The following CIT variants were observed in gnomAD, a reference collection of about 807,000 sequenced individuals.
CIT encodes citron Rho-interacting kinase.
Under a neutral mutation model 272.7 loss-of-function variants are expected in CIT, and 79 were observed. The ratio of observed to expected loss-of-function variants is 0.29; its 90% CI spans 0.24 to 0.35. The LOEUF (loss-of-function observed/expected upper bound fraction) is 0.35. Among genes scored for constraint, CIT ranks in the 10% least tolerant of loss-of-function variants. CIT has a pLI of 1.00. For synonymous variants in CIT, 948 were observed against 995.6 expected (o/e 0.95, Z 0.90); for missense variants, 1,909 against 2,618.3 (o/e 0.73, Z 5.91).
Position 119,713,166 on chromosome 12 carries a change from C to T in CIT, c.4579+37G>A. On this transcript the variant is annotated intron_variant, in intron 35 of 47. Transcript: ENST00000392521. The surrounding 1 kb of genome is among the most constrained non-coding windows in gnomAD (Gnocchi z 5.2). Reference sequence around the variant, plus strand: ...CAGCACTGGGGAGACCTGGGTTAGCCACGTGCAATGACCTTCCCCCTGAAT... The same window carrying T: ...CAGCACTGGGGAGACCTGGGTTAGCTACGTGCAATGACCTTCCCCCTGAAT... 3 of 1,534,846 alleles carry T rather than the reference C, an allele frequency of 2.0e-6. No homozygotes were observed. The highest frequency in any genetic ancestry group is 2.7e-6 in the Non-Finnish European group (3 of 1,111,340).
chr12:119,734,385 C>T (rs574301213), intron 25 of CIT, 28 bp from the exon 26 acceptor site: 3 of 1,604,492 alleles, frequency 1.9e-6, no homozygotes, highest in African/African-American at 2.7e-5. Flanking sequence ...TGATTTGTGC[C>T]TTGTCTTTAA....
intron 32 of CIT, among the ~76,000 whole-genome samples, chr12:119,714,685 G>A (rs1367550680): frequency 1.3e-5 from 2 of 152,204 alleles, no homozygotes; most frequent in South Asian, 2.1e-4. Flanking sequence ...GAAGATAAGT[G>A]TTGATGAGGA....
intron 2 of CIT, among the ~76,000 whole-genome samples, chr12:119,871,895 G>A (rs562261319): frequency 1.4e-4 from 22 of 152,296 alleles, no homozygotes; most frequent in East Asian, 3.9e-4. Flanking sequence ...GGGAAGCACT[G>A]CATTCAAGGC....
At chr12:119,862,377 C>T (rs912495692) in intron 3 of CIT, among the ~76,000 whole-genome samples, 2 of 152,110 alleles carry the variant, frequency 1.3e-5, no homozygotes, top group African/African-American at 4.8e-5. Flanking sequence ...CACTATACAG[C>T]AATCTGTTGG....
intron 5 of CIT, among the ~76,000 whole-genome samples, chr12:119,836,766 G>A (rs529966618): frequency 3.9e-5 from 6 of 152,226 alleles, no homozygotes; most frequent in South Asian, 2.1e-4. Context: ...AGCAGCCACC[G>A]GCAACTCTTA....
rs11286691 is a variant in CIT at position 119,825,540 on chromosome 12, T to TAA, written c.754-174_754-173dup. Among the ~76,000 whole-genome samples the TAA allele has an allele frequency of 0.016, 2,293 of 144,422 alleles. 31 individuals carry two copies. The highest frequency in any genetic ancestry group is 0.02 in the Non-Finnish European group (1,331 of 65,988). The allele number at this position is 144,422 out of a possible 152,430, so 94.7% of individuals were successfully genotyped here. A position where few individuals can be genotyped will look rare whatever the true frequency, so the allele number is the denominator to read the frequency against. On this transcript the variant is annotated intron_variant, in intron 7 of 47. Transcript: ENST00000392521. ...AGGAAATGCAAACGCTTTACTAATT[T>TAA]AAAAAAAAAAAAAAAGCACACAGCA... is the stretch of plus-strand genomic sequence containing the variant.
chr12:119,843,882 G>A (rs1260775166), intron 5 of CIT, among the ~76,000 whole-genome samples: 3 of 152,140 alleles, frequency 2.0e-5, no homozygotes, highest in Non-Finnish European at 2.9e-5. Flanking sequence ...GTTTGTTGAT[G>A]TAAAAGTGGC....
In CIT at chr12:119,728,667, T is replaced by C. The variant is rs1958266976; in HGVS notation, c.3487-61A>G. 8 of 1,136,954 alleles carry C rather than the reference T, an allele frequency of 7.0e-6. No homozygotes were observed. The South Asian group carries it at 1.0e-4, about 15-fold the overall frequency. 70.4% of individuals were successfully genotyped at this position (1,136,954 alleles called of 1,614,324 possible). A position where few individuals can be genotyped will look rare whatever the true frequency, so the allele number is the denominator to read the frequency against. ...TAGGAATGTTAGATGCTGACAACGT[T>C]TATGAATGTCCACGAACCTTCACGG... On this transcript the variant is annotated intron_variant, in intron 27 of 47. Coordinates refer to ENST00000392521, the MANE Select transcript of CIT (RefSeq NM_001206999.2). The surrounding 1 kb of genome is among the most constrained non-coding windows in gnomAD (Gnocchi z 4.3).
In CIT at chr12:119,701,818, T is replaced by A. The variant is rs753349581; in HGVS notation, c.5413+32A>T. On this transcript the variant is annotated intron_variant, in intron 42 of 47. Coordinates refer to ENST00000392521, the MANE Select transcript of CIT (RefSeq NM_001206999.2). ...CTGAGTCTCAGCGCGGCCTGAGCCA[T>A]GGGTGGGTGCGAAAGTGGAGGTGGG... is the stretch of plus-strand genomic sequence containing the variant. 4.3e-6 allele frequency: 7 copies of A among 1,613,970 alleles called. No homozygotes were observed. In the African/African-American group the frequency reaches 8.0e-5, roughly 18 times the overall value.
At chr12:119,840,904 A>G (rs940222111) in intron 5 of CIT, among the ~76,000 whole-genome samples, 3 of 152,222 alleles carry the variant, frequency 2.0e-5, no homozygotes, top group African/African-American at 7.2e-5. Flanking sequence ...CAGATTCCCA[A>G]TGACAGCATA....
rs747535498 is a variant in CIT, at chr12:119,770,907, G to A, written c.2086C>T (p.Arg696Cys). The change falls in exon 18 of 48, where the codon CGC (arginine) becomes TGC (cysteine). Residue 696 changes from arginine (R) to cysteine (C), a missense_variant. Around this residue, in one of 8 missense-constraint regions of CIT, gnomAD observed 530 missense variants for 822.4 expected, o/e 0.64. Coordinates refer to ENST00000392521, the MANE Select transcript of CIT (RefSeq NM_001206999.2). The surrounding 1 kb of genome is among the most constrained non-coding windows in gnomAD (Gnocchi z 4.4). Reference sequence around the variant, plus strand: ...ACCTTGTTCTCCAGAGAATGGCGGCGTTCCTGTAGATCATGAATCAATCAG... The same window carrying A: ...ACCTTGTTCTCCAGAGAATGGCGGCATTCCTGTAGATCATGAATCAATCAG... ...IRKKLVEAEE[R>C]RHSLENKVKR... 5.8e-5 allele frequency: 94 copies of A among 1,612,506 alleles called. No individual in the cohort carries two copies. The highest frequency in any genetic ancestry group is 4.5e-4 in the African/African-American group (34 of 74,870).
At chr12:119,875,811 G>A (rs1387203018) in intron 2 of CIT, among the ~76,000 whole-genome samples, 3 of 151,996 alleles carry the variant, frequency 2.0e-5, no homozygotes, top group South Asian at 2.1e-4. Flanking sequence ...GTGAAACCCC[G>A]TCTCTACTAA....
At position 119,838,136 on chromosome 12, in the gene CIT, G is replaced by A. The variant is rs900509674; in HGVS notation, c.517-3908C>T. Among the ~76,000 whole-genome samples the A allele has an allele frequency of 5.3e-5, 8 of 151,970 alleles. No homozygotes were observed. The South Asian group carries it at 8.3e-4, about 16-fold the overall frequency. Reference sequence around the variant, plus strand: ...TACCCAGGCTGGAGTGCAGTGCCACGATCTCGGCTCACTGCAACCTCTGCC... The same window carrying A: ...TACCCAGGCTGGAGTGCAGTGCCACAATCTCGGCTCACTGCAACCTCTGCC... On this transcript the variant is annotated intron_variant, in intron 5 of 47. Transcript: ENST00000392521.
intron 40 of CIT, among the ~76,000 whole-genome samples, chr12:119,705,864 T>C (rs1050901396): frequency 2.2e-5 from 3 of 136,452 alleles, no homozygotes; most frequent in Admixed American, 7.8e-5. Flanking sequence ...CCAAGGTGGG[T>C]GGATCACTTG....
chr12:119,689,991 C>G (rs1955843306), intron 47 of CIT, among the ~76,000 whole-genome samples, 160 bp downstream of exon 47: 1 of 152,206 alleles, frequency 6.6e-6, no homozygotes, highest in African/African-American at 2.4e-5. Flanking sequence ...GAAGCTATTT[C>G]TTAAGGTACA....
At chr12:119,817,679 C>A (rs772768162) in intron 9 of CIT, among the ~76,000 whole-genome samples, 13 of 152,276 alleles carry the variant, frequency 8.5e-5, no homozygotes, top group Middle Eastern at 6.8e-3. Flanking sequence ...TAGGGCCATA[C>A]CCAAATGTGT....
chr12:119,823,291 G>A (rs1449049498), intron 8 of CIT, among the ~76,000 whole-genome samples: 2 of 152,090 alleles, frequency 1.3e-5, no homozygotes, highest in Non-Finnish European at 2.9e-5. Flanking sequence ...AAAGATCCCT[G>A]AACAAATCAT....
intron 19 of CIT, among the ~76,000 whole-genome samples, chr12:119,764,613 A>G (rs574808566): frequency 3.3e-5 from 5 of 151,690 alleles, no homozygotes; most frequent in African/African-American, 4.8e-5. Context: ...GTCTCAAAAA[A>G]AAAAAAAAAA....
intron 32 of CIT, among the ~76,000 whole-genome samples, chr12:119,717,796 G>GAACCAAC (rs1957590720): frequency 6.7e-6 from 1 of 148,954 alleles, no homozygotes; most frequent in Admixed American, 6.7e-5. Context: ...TCACATATAT[G>GAACCAAC]AACCAACACT....
Sources: gnomAD v4.1 joint callset for allele counts (sites outside exome capture counted in the v4.1 genomes callset) on GRCh38, gnomAD v4.1.1 for gene constraint, gnomAD v4.1.1 regional missense constraint, Gnocchi (gnomAD v3.1) non-coding constraint, MANE v1.5 for transcripts, NCBI Gene and HGNC (gene_info 2026-07-23, HGNC 2026-07-21) for gene names.